SLC35F3: variants seen among roughly 807,000 people sequenced by gnomAD.
SLC35F3 encodes solute carrier family 35 member F3, also known as putative thiamine transporter SLC35F3.
A neutral mutation model predicts 49.9 loss-of-function variants in SLC35F3; 25 were observed. The ratio of observed to expected loss-of-function variants is 0.50; its 90% CI spans 0.37 to 0.70. The LOEUF (loss-of-function observed/expected upper bound fraction) is 0.70, where lower values mean the gene tolerates loss of function less well. SLC35F3 is among the 30% of genes least tolerant of loss of function. SLC35F3 has a pLI of 0.00. For missense variants in SLC35F3, 525 were observed against 639.8 expected (o/e 0.82, Z 1.94); for synonymous variants, 275 against 265.4 (o/e 1.04, Z -0.35).
At chr1:233,908,022 G>C (rs571384504) in intron 2 of SLC35F3, among the ~76,000 whole-genome samples, 90 of 152,286 alleles carry the variant, frequency 5.9e-4, no homozygotes, top group African/African-American at 2.1e-3. Context: ...CACCACGCCC[G>C]GCCCAGAAGA....
chr1:234,156,340 G>A (rs955229340), intron 2 of SLC35F3, among the ~76,000 whole-genome samples: 1 of 152,174 alleles, frequency 6.6e-6, no homozygotes, highest in Non-Finnish European at 1.5e-5. Context: ...TCCGCGATAC[G>A]GCTGAAGCCT....
chr1:234,298,821 A>G (rs1295382749), intron 3 of SLC35F3, among the ~76,000 whole-genome samples: 1 of 152,214 alleles, frequency 6.6e-6, no homozygotes, highest in Admixed American at 6.5e-5. Flanking sequence ...TTTAAGAAAA[A>G]TTATAAAAGT....
chr1:234,183,679 T>C lies in SLC35F3; in HGVS notation c.284-47738T>C, dbSNP rs984501163. 2.1e-4 allele frequency among the ~76,000 whole-genome samples: 30 copies of C among 142,998 alleles called. 2 individuals carry two copies. Among genetic ancestry groups the C allele is most frequent in the African/African-American group, 6.8e-4 (28 of 41,188 alleles). 93.8% of individuals were successfully genotyped at this position (142,998 alleles called of 152,430 possible). A position where few individuals can be genotyped will look rare whatever the true frequency, so the allele number is the denominator to read the frequency against. On this transcript the variant is annotated intron_variant, in intron 2 of 7. Transcript: ENST00000366618. Reference sequence around the variant, plus strand: ...GTCATCAATGCCTGTATGCAGAGTTTATCTTTTGTCAGTTAAGGACAAGCT... The same window carrying C: ...GTCATCAATGCCTGTATGCAGAGTTCATCTTTTGTCAGTTAAGGACAAGCT...
Position 234,139,961 on chromosome 1 carries a change from A to AAATAAAATAAAATAAAATAAAATAAAAT in SLC35F3, c.284-91453_284-91426dup, listed in dbSNP as rs1558239933. ...GACTCCATCTCAAAATAATAAAATA[A>AAATAAAATAAAATAAAATAAAATAAAAT]AATAAAATAAAATAAAATAAAATAA... On this transcript the variant is annotated intron_variant, in intron 2 of 7. Transcript: ENST00000366618. Among the ~76,000 whole-genome samples, 41 of 129,350 alleles carry AAATAAAATAAAATAAAATAAAATAAAAT rather than the reference A, an allele frequency of 3.2e-4. 1 individual carries two copies. The highest frequency in any genetic ancestry group is 1.0e-3 in the African/African-American group (34 of 32,756). The allele number at this position is 129,350 out of a possible 152,430, so 84.9% of individuals were successfully genotyped here. A position where few individuals can be genotyped will look rare whatever the true frequency, so the allele number is the denominator to read the frequency against.
At chr1:233,938,600 C>T (rs912010152) in intron 2 of SLC35F3, among the ~76,000 whole-genome samples, 5 of 151,954 alleles carry the variant, frequency 3.3e-5, no homozygotes, top group East Asian at 1.9e-4. Context: ...AGACGAAGAG[C>T]TAACAATGGA....
chr1:234,216,968 T>G (rs1667131660), intron 2 of SLC35F3, among the ~76,000 whole-genome samples: 1 of 152,256 alleles, frequency 6.6e-6, no homozygotes, highest in Non-Finnish European at 1.5e-5. Flanking sequence ...GCCTAGTTTT[T>G]TTCCTTGGTG....
At chr1:234,130,548 A>C (rs1665719391) in intron 2 of SLC35F3, among the ~76,000 whole-genome samples, 1 of 151,362 alleles carries the variant, frequency 6.6e-6, no homozygotes, top group Non-Finnish European at 1.5e-5. Flanking sequence ...CTGAGGCAGG[A>C]GAATGGCGTG....
intron 2 of SLC35F3, among the ~76,000 whole-genome samples, chr1:234,187,803 G>A (rs1008413278): frequency 2.6e-5 from 4 of 152,180 alleles, no homozygotes; most frequent in Admixed American, 6.5e-5. Flanking sequence ...AGGGGTCCCT[G>A]GGGAGGGCTG....
intron 2 of SLC35F3, among the ~76,000 whole-genome samples, chr1:234,190,870 A>G (rs937807569): frequency 1.3e-5 from 2 of 152,230 alleles, no homozygotes; most frequent in African/African-American, 4.8e-5. Context: ...GACTGAACAA[A>G]GGGATGAACG....
intron 3 of SLC35F3, among the ~76,000 whole-genome samples, chr1:234,239,203 G>A (rs985287747): frequency 3.9e-5 from 6 of 152,138 alleles, no homozygotes; most frequent in African/African-American, 1.4e-4. Context: ...AATGAAGGAT[G>A]GTCTCCCAGA....
Position 234,231,826 on chromosome 1 carries a change from G to A in SLC35F3, c.608+85G>A. 1 of 1,333,836 alleles carries A rather than the reference G, an allele frequency of 7.5e-7. No individual in the cohort carries two copies. The highest frequency in any genetic ancestry group is 1.0e-6 in the Non-Finnish European group (1 of 962,010). The allele number at this position is 1,333,836 out of a possible 1,614,324, so 82.6% of individuals were successfully genotyped here. ...TCTGCAGAGCTGCCCCTGGTGGCAG[G>A]CGCTGGGATGAGCCGGTGGGAGCCC... On this transcript the variant is annotated intron_variant, in intron 3 of 7. Coordinates refer to ENST00000366618, the MANE Select transcript of SLC35F3 (RefSeq NM_173508.4). This position sits in a 1 kb window ranked among gnomAD's most constrained non-coding sequence, Gnocchi z 5.4.
chr1:234,059,611 A>G (rs1287294078), intron 2 of SLC35F3, among the ~76,000 whole-genome samples: 1 of 144,566 alleles, frequency 6.9e-6, no homozygotes, highest in African/African-American at 2.5e-5. Context: ...AGACATAGAC[A>G]TAGACTAGAC....
intron 2 of SLC35F3, among the ~76,000 whole-genome samples, chr1:234,062,446 G>A (rs1199087517): frequency 2.0e-5 from 3 of 152,072 alleles, no homozygotes; most frequent in Non-Finnish European, 4.4e-5. Context: ...ATAGTTTTCA[G>A]GTCAATGTTT....
chr1:234,225,470 A>C (rs557073731), intron 2 of SLC35F3, among the ~76,000 whole-genome samples: 36 of 152,262 alleles, frequency 2.4e-4, no homozygotes, highest in African/African-American at 6.7e-4. Flanking sequence ...GCAGGAGTTG[A>C]GGGATGGGGG....
intron 2 of SLC35F3, among the ~76,000 whole-genome samples, chr1:233,988,566 T>C (rs1211779257): frequency 2.6e-5 from 4 of 152,168 alleles, no homozygotes; most frequent in Admixed American, 6.5e-5. Context: ...CATGCTTGCT[T>C]TCTGTCTTAA....
chr1:234,131,417 A>T (rs1014613933), intron 2 of SLC35F3, among the ~76,000 whole-genome samples: 14 of 152,150 alleles, frequency 9.2e-5, no homozygotes, highest in African/African-American at 3.4e-4. Flanking sequence ...CACATCTGGC[A>T]CCAAACTCAT....
chr1:234,276,203 A>G (rs188265430), intron 3 of SLC35F3, among the ~76,000 whole-genome samples: 1 of 152,210 alleles, frequency 6.6e-6, no homozygotes, highest in Admixed American at 6.5e-5. Context: ...CCAGTCTGTA[A>G]AGAGAAATGC....
intron 2 of SLC35F3, among the ~76,000 whole-genome samples, chr1:234,123,455 G>C (rs1665604647): frequency 6.6e-6 from 1 of 152,162 alleles, no homozygotes. Flanking sequence ...TATCGCTCAG[G>C]CTGGAGTACA....
chr1:234,003,482 G>T (rs922373116), intron 2 of SLC35F3, among the ~76,000 whole-genome samples: 6 of 152,070 alleles, frequency 3.9e-5, no homozygotes, highest in Non-Finnish European at 8.8e-5. Flanking sequence ...ACAAAGTTAG[G>T]CTTCTACAAC....
Sources: gnomAD v4.1 joint callset for allele counts (sites outside exome capture counted in the v4.1 genomes callset) on GRCh38, gnomAD v4.1.1 for gene constraint, Gnocchi (gnomAD v3.1) non-coding constraint, MANE v1.5 for transcripts, NCBI Gene and HGNC (gene_info 2026-07-23, HGNC 2026-07-21) for gene names.